The following RARG variants were observed in gnomAD, a reference collection of about 807,000 sequenced individuals.
RARG encodes the protein RAR-gamma.
In RARG, 17 loss-of-function variants were observed where a neutral mutation model predicts 43.7. That is an observed-to-expected ratio of 0.39 (90% CI 0.27 to 0.58). RARG has a LOEUF of 0.58. RARG is among the 20% of genes least tolerant of loss of function. The pLI is 0.57. For synonymous variants in RARG, 238 were observed against 236.4 expected (o/e 1.01, Z -0.06); for missense variants, 346 against 598.7 (o/e 0.58, Z 4.40).
Position 53,227,441 on chromosome 12 carries a change from C to T in RARG, c.105G>A (p.Gly35=). The change falls in exon 3 of 10, where the codon GGG becomes GGA. Residue 35 remains glycine (G), a synonymous_variant. Transcript: ENST00000425354. The surrounding 1 kb of genome is among the most constrained non-coding windows in gnomAD (Gnocchi z 4.3). ...FPFAFPGALR[G]SPPFEMLSPS... ...GGCTCAGCATCTCGAAAGGCGGAGACCCCCTGAGTGCCCCTGGGAAGGCGA... is the reference window on the plus strand; with the variant it reads ...GGCTCAGCATCTCGAAAGGCGGAGATCCCCTGAGTGCCCCTGGGAAGGCGA... 1.2e-6 allele frequency: 2 copies of T among 1,610,678 alleles called. No homozygotes were observed. Among genetic ancestry groups the T allele is most frequent in the Non-Finnish European group, 8.5e-7 (1 of 1,178,558 alleles).
intron 1 of RARG, chr12:53,231,467 T>TC (rs1180347609): frequency 6.6e-6 from 1 of 152,266 alleles, no homozygotes; most frequent in Non-Finnish European, 1.5e-5. Flanking sequence ...CACCAGTCCT[T>TC]CGGAACTCCT....
chr12:53,231,786 CCCCATTCCCTT>C (rs1943241269), intron 1 of RARG, among the ~76,000 whole-genome samples, 177 bp downstream of exon 1: 1 of 152,288 alleles, frequency 6.6e-6, no homozygotes, highest in African/African-American at 2.4e-5. Context: ...TTAAAATCTT[CCCCATTCCCTT>C]CCCACAGCAG....
chr12:53,222,219 A>AAGAAAGAAAGAGAG (rs1408285264), intron 3 of RARG, among the ~76,000 whole-genome samples: 2 of 105,462 alleles, frequency 1.9e-5, no homozygotes, highest in Non-Finnish European at 3.5e-5. Flanking sequence ...CCACAAAAAA[A>AAGAAAGAAAGAGAG]AGAAAGAAAG....
intron 3 of RARG, chr12:53,219,929 G>T: frequency 6.7e-7 from 1 of 1,493,750 alleles, no homozygotes; most frequent in Non-Finnish European, 8.9e-7. Context: ...CTACACCCCA[G>T]CCCCGGACTC....
intron 9 of RARG, among the ~76,000 whole-genome samples, 195 bp downstream of exon 9, chr12:53,212,890 G>A (rs1396678906): frequency 6.6e-6 from 1 of 152,122 alleles, no homozygotes; most frequent in Non-Finnish European, 1.5e-5. Context: ...CATCATTGCA[G>A]AAAGTTCTAC....
At chr12:53,217,312 G>A (rs1942804448) in intron 3 of RARG, among the ~76,000 whole-genome samples, 2 of 152,162 alleles carry the variant, frequency 1.3e-5, no homozygotes, top group Non-Finnish European at 2.9e-5. Context: ...GGGCTGGAAC[G>A]CCTTTCCCAA....
chr12:53,212,737 TACACAC>T lies in RARG; in HGVS notation c.1177+342_1177+347del, dbSNP rs1160084920. Among the ~76,000 whole-genome samples the T allele has an allele frequency of 2.2e-3, 291 of 133,756 alleles. 1 individual carries two copies. The highest frequency in any genetic ancestry group is 0.018 in the East Asian group (77 of 4,194). The allele number at this position is 133,756 out of a possible 152,430, so 87.7% of individuals were successfully genotyped here. ...AAGACTTTGTCTCTAAATATATATA[TACACAC>T]ACACACACACACACACACACACACA... On this transcript the variant is annotated intron_variant, in intron 9 of 9. Transcript: ENST00000425354.
Position 53,227,237 on chromosome 12 carries a change from C to T in RARG, c.184+125G>A. ...CCACCCTCCATTATTCACTACTACT[C>T]CATTAGGCCAAACCCCTGTCCCCTG... On this transcript the variant is annotated intron_variant, in intron 3 of 9. Coordinates refer to ENST00000425354, the MANE Select transcript of RARG (RefSeq NM_000966.6). This position sits in a 1 kb window ranked among gnomAD's most constrained non-coding sequence, Gnocchi z 4.3. The T allele has an allele frequency of 9.8e-7, 1 of 1,024,806 alleles. No individual in the cohort carries two copies. Among genetic ancestry groups the T allele is most frequent in the South Asian group, 1.8e-5 (1 of 56,280 alleles). 63.5% of individuals were successfully genotyped at this position (1,024,806 alleles called of 1,614,324 possible).
chr12:53,213,478 CA>C lies in RARG; in HGVS notation c.1018+17del, dbSNP rs1294463648. 8.7e-6 allele frequency: 14 copies of C among 1,611,604 alleles called. No individual in the cohort carries two copies. Among genetic ancestry groups the C allele is most frequent in the East Asian group, 4.5e-5 (2 of 44,846 alleles). On this transcript the variant is annotated intron_variant, in intron 8 of 9. Transcript: ENST00000425354. This position sits in a 1 kb window ranked among gnomAD's most constrained non-coding sequence, Gnocchi z 4.7. ...AGGAGACTGAGCACTGAGCAGACGC[CA>C]GGGGGCGCCCCCGCACCTCCGCAGA...
In RARG at chr12:53,211,411, TTTAG is replaced by T. The variant is rs1477785350; in HGVS notation, c.*261_*264del. 2.0e-4 allele frequency: 68 copies of T among 335,092 alleles called. No individual in the cohort carries two copies. In the East Asian group the frequency reaches 2.5e-3, roughly 12 times the overall value. The allele number at this position is 335,092 out of a possible 1,614,324, so 20.8% of individuals were successfully genotyped here. A position where few individuals can be genotyped will look rare whatever the true frequency, so the allele number is the denominator to read the frequency against. On this transcript the variant is annotated 3_prime_UTR_variant, in exon 10 of 10. Coordinates refer to ENST00000425354, the MANE Select transcript of RARG (RefSeq NM_000966.6). The surrounding 1 kb of genome is among the most constrained non-coding windows in gnomAD (Gnocchi z 4.6). ...AGGACCCATGGGGCAGTGCTGAGATTTTAGAGTCCAAACCCAGGCTCATCCCTTT... is the reference window on the plus strand; with the variant it reads ...AGGACCCATGGGGCAGTGCTGAGATTAGTCCAAACCCAGGCTCATCCCTTT...
At chr12:53,228,747 T>C (rs750832950) in intron 2 of RARG, among the ~76,000 whole-genome samples, 1 of 152,202 alleles carries the variant, frequency 6.6e-6, no homozygotes, top group Non-Finnish European at 1.5e-5. Context: ...CTAATGTTTA[T>C]ATTTTTAGTA....
At chr12:53,226,650 C>T (rs1389564459) in intron 3 of RARG, among the ~76,000 whole-genome samples, 1 of 148,404 alleles carries the variant, frequency 6.7e-6, no homozygotes, top group African/African-American at 2.5e-5. Context: ...CTCACTCTAT[C>T]GCCCAGACTG....
chr12:53,218,130 C>G (rs1488331289), intron 3 of RARG, among the ~76,000 whole-genome samples: 1 of 152,100 alleles, frequency 6.6e-6, no homozygotes, highest in Non-Finnish European at 1.5e-5. Context: ...AAGGGAACAG[C>G]CCTACCACCA....
intron 3 of RARG, among the ~76,000 whole-genome samples, chr12:53,216,841 TGCGCGCGCGCGCGC>T (rs61199415): frequency 2.4e-4 from 31 of 129,432 alleles, no homozygotes; most frequent in African/African-American, 9.1e-4. Flanking sequence ...TGTGTGTGTG[TGCGCGCGCGCGCGC>T]GCGCGCGTGT....
chr12:53,210,687 C>A lies in RARG; in HGVS notation c.*989G>T, dbSNP rs1001548892. On this transcript the variant is annotated 3_prime_UTR_variant, in exon 10 of 10. Transcript: ENST00000425354. ...AGCACCCTGACCCCCCAAGAGAACA[C>A]AGGGAGCCAATGGGAATCTTATTTG... 1 of 152,646 alleles carries A rather than the reference C, an allele frequency of 6.6e-6. No individual in the cohort carries two copies. Among genetic ancestry groups the A allele is most frequent in the East Asian group, 1.9e-4 (1 of 5,194 alleles). The allele number at this position is 152,646 out of a possible 1,614,324, so 9.5% of individuals were successfully genotyped here. A position where few individuals can be genotyped will look rare whatever the true frequency, so the allele number is the denominator to read the frequency against.
In RARG at chr12:53,220,442, G is replaced by A. The variant is rs1592439395; in HGVS notation, c.185-4648C>T. ...AGCGAAGGGGGCCGGGCACCGAGAT[G>A]AGCAAAGCTGAGAGTGGAGCGCACA... On this transcript the variant is annotated intron_variant, in intron 3 of 9. Transcript: ENST00000425354. 8.6e-6 allele frequency: 7 copies of A among 815,018 alleles called. No homozygotes were observed. The South Asian group carries it at 1.8e-4, about 21-fold the overall frequency. The allele number at this position is 815,018 out of a possible 1,614,324, so 50.5% of individuals were successfully genotyped here.
At position 53,213,337 on chromosome 12, in the gene RARG, C is replaced by G. The variant is rs772263651; in HGVS notation, c.1019-94G>C. The G allele has an allele frequency of 2.4e-5, 35 of 1,488,438 alleles. No homozygotes were observed. Among genetic ancestry groups the G allele is most frequent in the Middle Eastern group, 1.7e-4 (1 of 5,764 alleles). 92.2% of individuals were successfully genotyped at this position (1,488,438 alleles called of 1,614,324 possible). A position where few individuals can be genotyped will look rare whatever the true frequency, so the allele number is the denominator to read the frequency against. ...GATCACCAACCGGCGTTTTGGGAAG[C>G]CTGTACAGGGTTTCAGAACTCTCTG... On this transcript the variant is annotated intron_variant, in intron 8 of 9. Transcript: ENST00000425354. This position sits in a 1 kb window ranked among gnomAD's most constrained non-coding sequence, Gnocchi z 4.7.
chr12:53,225,302 G>A (rs1031805636), intron 3 of RARG, among the ~76,000 whole-genome samples: 48 of 152,302 alleles, frequency 3.2e-4, no homozygotes, highest in African/African-American at 9.9e-4. Context: ...CAGCCACAGC[G>A]TCAGCAGCAC....
intron 2 of RARG, among the ~76,000 whole-genome samples, chr12:53,230,867 G>A (rs1190815132): frequency 1.3e-5 from 2 of 150,492 alleles, no homozygotes; most frequent in Admixed American, 1.3e-4. Flanking sequence ...GTGTGTGTGT[G>A]TGTGTGTGTG....
Sources: allele counts gnomAD v4.1 joint callset (sites outside exome capture counted in the v4.1 genomes callset), GRCh38; gene constraint gnomAD v4.1.1; non-coding constraint Gnocchi (gnomAD v3.1); transcripts MANE v1.5; gene names NCBI Gene and HGNC (gene_info 2026-07-23, HGNC 2026-07-21).